PRRX2: variants seen among roughly 807,000 people sequenced by gnomAD.
PRRX2 encodes paired mesoderm homeobox protein 2.
PRRX2 carries 11 observed loss-of-function variants against 18.0 expected under a neutral mutation model. The observed-to-expected ratio is 0.61, with a 90% confidence interval of 0.39 to 1.01. PRRX2 has a LOEUF of 1.01. Among genes scored for constraint, PRRX2 ranks in the 50% least tolerant of loss-of-function variants. PRRX2 has a pLI of 0.01. For missense variants in PRRX2, 387 were observed against 351.0 expected, an observed-to-expected ratio of 1.10 and a Z score of -0.82; for synonymous variants, 177 against 154.8, an observed-to-expected ratio of 1.14 and a Z score of -1.06.
At chr9:129,677,271 G>C (rs1832171524) in intron 1 of PRRX2, among the ~76,000 whole-genome samples, 1 of 152,224 alleles carries the variant, frequency 6.6e-6, no homozygotes, top group Non-Finnish European at 1.5e-5. Context: ...GCAGCCTCAC[G>C]AGAGAGGTGA....
At chr9:129,694,652 C>A (rs1832398768) in intron 1 of PRRX2, among the ~76,000 whole-genome samples, 1 of 152,170 alleles carries the variant, frequency 6.6e-6, no homozygotes, top group South Asian at 2.1e-4. Flanking sequence ...GTTCTTCCAC[C>A]AACTGGCTGT....
chr9:129,707,695 G>C (rs780582760), intron 1 of PRRX2, among the ~76,000 whole-genome samples: 5 of 151,642 alleles, frequency 3.3e-5, no homozygotes, highest in Non-Finnish European at 7.4e-5. Flanking sequence ...GGAGGCTGAG[G>C]CAGGAGAATT....
Position 129,675,556 on chromosome 9 carries a change from G to T in PRRX2, c.259+9430G>T, listed in dbSNP as rs1832153341. On this transcript the variant is annotated intron_variant, in intron 1 of 3. Transcript: ENST00000372469. This position sits in a 1 kb window ranked among gnomAD's most constrained non-coding sequence, Gnocchi z 4.4. The stretch of plus-strand genomic sequence containing the variant: ...CCTCAAAGGGCTCTCTTGGGGATGG[G>T]GATCCACTGCCCCCAGGGGGCGGCT... Among the ~76,000 whole-genome samples, 1 of 152,014 alleles carries T rather than the reference G, an allele frequency of 6.6e-6. No homozygotes were observed. Among genetic ancestry groups the T allele is most frequent in the Non-Finnish European group, 1.5e-5 (1 of 67,958 alleles).
chr9:129,705,070 A>G (rs1424789475), intron 1 of PRRX2, among the ~76,000 whole-genome samples: 1 of 152,150 alleles, frequency 6.6e-6, no homozygotes, highest in Non-Finnish European at 1.5e-5. Flanking sequence ...ACAGACATGA[A>G]CCCCTCTCTT....
chr9:129,689,050 G>A lies in PRRX2; in HGVS notation c.259+22924G>A, dbSNP rs137900377. Among the ~76,000 whole-genome samples the A allele has an allele frequency of 1.8e-4, 27 of 152,296 alleles. No individual in the cohort carries two copies. In the East Asian group the frequency reaches 3.7e-3, roughly 21 times the overall value. ...AGAAATGTTGTGTGTCGTTGGCTGC[G>A]GGTAGGCTCATGGCTTAGGGGTGCT... is the stretch of plus-strand genomic sequence containing the variant. On this transcript the variant is annotated intron_variant, in intron 1 of 3. Transcript: ENST00000372469.
intron 3 of PRRX2, 56 bp downstream of exon 3, chr9:129,720,830 G>A (rs1238399043): frequency 2.7e-6 from 4 of 1,462,338 alleles, no homozygotes; most frequent in Non-Finnish European, 3.6e-6. Context: ...ATCCCAGAGG[G>A]CTTTTCCGGC....
chr9:129,704,030 C>T (rs1376958196), intron 1 of PRRX2, among the ~76,000 whole-genome samples: 1 of 152,224 alleles, frequency 6.6e-6, no homozygotes, highest in Non-Finnish European at 1.5e-5. Flanking sequence ...ACTGACTTTC[C>T]ATGGAGCTGG....
At chr9:129,702,471 C>T (rs1445337657) in intron 1 of PRRX2, among the ~76,000 whole-genome samples, 2 of 151,994 alleles carry the variant, frequency 1.3e-5, no homozygotes, top group African/African-American at 2.4e-5. Context: ...TCCAATGTGG[C>T]GGCCACTGGC....
chr9:129,666,153 G>A (rs1364023296), intron 1 of PRRX2, 27 bp downstream of exon 1: 29 of 1,004,356 alleles, frequency 2.9e-5, no homozygotes, highest in East Asian at 1.0e-4. Context: ...AGGGACGGGG[G>A]TGGCGGGGCC....
chr9:129,714,809 C>CT (rs1259054242), intron 1 of PRRX2, among the ~76,000 whole-genome samples: 1 of 152,140 alleles, frequency 6.6e-6, no homozygotes, highest in Non-Finnish European at 1.5e-5. Context: ...AAAATGTCTC[C>CT]TTTTTTGGCT....
Position 129,710,710 on chromosome 9 carries a change from T to C in PRRX2, c.260-8521T>C, listed in dbSNP as rs139240216. Among the ~76,000 whole-genome samples the C allele has an allele frequency of 3.1e-3, 473 of 152,154 alleles. 5 individuals carry two copies. Among genetic ancestry groups the C allele is most frequent in the African/African-American group, 0.011 (460 of 41,518 alleles). ...ATCGCGCCAGTGCACTCCAGCCTGG[T>C]AACAGAGTGAGACTCCATCTCAAAA... On this transcript the variant is annotated intron_variant, in intron 1 of 3. Coordinates refer to ENST00000372469, the MANE Select transcript of PRRX2 (RefSeq NM_016307.4).
intron 1 of PRRX2, among the ~76,000 whole-genome samples, chr9:129,673,736 G>C (rs555776013): frequency 9.2e-5 from 14 of 152,224 alleles, no homozygotes; most frequent in Admixed American, 8.5e-4. Context: ...TGGAGCCCTG[G>C]CTGTTAGTGG....
chr9:129,720,060 G>A (rs909596212), intron 2 of PRRX2, among the ~76,000 whole-genome samples: 2 of 150,306 alleles, frequency 1.3e-5, no homozygotes, highest in Non-Finnish European at 2.9e-5. Flanking sequence ...TGGCACCAAG[G>A]GTTCTGATAA....
intron 1 of PRRX2, among the ~76,000 whole-genome samples, chr9:129,687,869 C>T (rs1213824471): frequency 1.3e-5 from 2 of 152,206 alleles, no homozygotes; most frequent in Non-Finnish European, 2.9e-5. Flanking sequence ...ATGACAGTAG[C>T]CCCCTCGCAC....
chr9:129,698,257 C>CGGGG (rs56233939), intron 1 of PRRX2, among the ~76,000 whole-genome samples: 2 of 20,584 alleles, frequency 9.7e-5, no homozygotes, highest in Admixed American at 5.4e-4. Context: ...TTGGATGGGG[C>CGGGG]GGGGGGGGGG....
At chr9:129,705,461 T>C (rs1361467536) in intron 1 of PRRX2, among the ~76,000 whole-genome samples, 1 of 152,034 alleles carries the variant, frequency 6.6e-6, no homozygotes, top group East Asian at 1.9e-4. Flanking sequence ...TTCAAGCAAT[T>C]CTCCTGCCTC....
chr9:129,721,428 G>A (rs1832790846), intron 3 of PRRX2, among the ~76,000 whole-genome samples: 1 of 152,140 alleles, frequency 6.6e-6, no homozygotes, highest in Non-Finnish European at 1.5e-5. Flanking sequence ...CTGCTCCTTG[G>A]GCTGTGAGGG....
At chr9:129,690,268 T>C (rs1832345697) in intron 1 of PRRX2, among the ~76,000 whole-genome samples, 1 of 152,130 alleles carries the variant, frequency 6.6e-6, no homozygotes, top group Non-Finnish European at 1.5e-5. Flanking sequence ...CAACATGACT[T>C]TTCCAGCCCT....
intron 1 of PRRX2, among the ~76,000 whole-genome samples, chr9:129,708,179 G>A (rs554770264): frequency 1.3e-5 from 2 of 152,242 alleles, no homozygotes; most frequent in Admixed American, 6.5e-5. Flanking sequence ...GGGATTTCAG[G>A]TACCTGCCAC....
Sources: gnomAD v4.1 joint callset for allele counts (sites outside exome capture counted in the v4.1 genomes callset) on GRCh38, gnomAD v4.1.1 for gene constraint, Gnocchi (gnomAD v3.1) non-coding constraint, MANE v1.5 for transcripts, NCBI Gene and HGNC (gene_info 2026-07-23, HGNC 2026-07-21) for gene names.